Variants in DISC1 observed in about 807,000 individuals in gnomAD.
The protein encoded by DISC1 is disrupted in schizophrenia 1 protein.
In DISC1, 57 loss-of-function variants were observed where a neutral mutation model predicts 84.5. That is an observed-to-expected ratio of 0.67 (90% CI 0.55 to 0.84). DISC1 has a LOEUF of 0.84. DISC1 is among the 40% of genes least tolerant of loss of function. The pLI is 0.00. For synonymous variants in DISC1, 411 were observed against 415.2 expected, an observed-to-expected ratio of 0.99 and a Z score of 0.12; for missense variants, 1,000 against 1,057.8, an observed-to-expected ratio of 0.95 and a Z score of 0.76.
intron 9 of DISC1, among the ~76,000 whole-genome samples, chr1:231,930,730 C>T (rs1356708500): frequency 3.9e-5 from 6 of 152,078 alleles, no homozygotes; most frequent in Admixed American, 3.9e-4. Flanking sequence ...ACAAAGCACC[C>T]ATCAACATAG....
chr1:231,973,212 A>T (rs1662276876), intron 10 of DISC1, among the ~76,000 whole-genome samples: 2 of 151,914 alleles, frequency 1.3e-5, no homozygotes, highest in South Asian at 4.2e-4. Flanking sequence ...ACGCCTGGCT[A>T]ATCTTTGTAT....
chr1:231,774,953 A>G (rs558393079), intron 6 of DISC1: 1 of 353,878 alleles, frequency 2.8e-6, no homozygotes, highest in East Asian at 7.6e-5. Flanking sequence ...TATTTAGCCA[A>G]ATGAACCCAT....
chr1:231,780,237 T>TAAAAAAAAAAA (rs11451092), intron 6 of DISC1, among the ~76,000 whole-genome samples: 1 of 103,940 alleles, frequency 9.6e-6, no homozygotes, highest in African/African-American at 3.2e-5. Flanking sequence ...TAAAGTATAA[T>TAAAAAAAAAAA]AAAAAAAAAA....
chr1:231,860,565 G>A (rs560990493), intron 9 of DISC1, among the ~76,000 whole-genome samples: 33 of 152,246 alleles, frequency 2.2e-4, no homozygotes, highest in African/African-American at 7.7e-4. Context: ...AGCCTTCTCA[G>A]GGTTAAGCAG....
chr1:231,838,999 C>G (rs1001130679), intron 9 of DISC1, among the ~76,000 whole-genome samples: 1 of 144,270 alleles, frequency 6.9e-6, no homozygotes, highest in Non-Finnish European at 1.5e-5. Flanking sequence ...GCAAATAGGG[C>G]ACGATGTGTT....
At chr1:232,023,135 G>T (rs1334170832) in intron 11 of DISC1, among the ~76,000 whole-genome samples, 1 of 151,994 alleles carries the variant, frequency 6.6e-6, no homozygotes, top group Non-Finnish European at 1.5e-5. Flanking sequence ...TAAAGGTTCA[G>T]GAAAGTATAA....
intron 2 of DISC1, among the ~76,000 whole-genome samples, chr1:231,696,035 G>T (rs11586191): frequency 2.6e-5 from 4 of 151,912 alleles, no homozygotes; most frequent in African/African-American, 4.8e-5. Flanking sequence ...GTCTTTCCCC[G>T]AAACCCGTTC....
intron 10 of DISC1, among the ~76,000 whole-genome samples, chr1:232,008,048 C>T (rs2102994816): frequency 6.6e-6 from 1 of 152,270 alleles, no homozygotes; most frequent in East Asian, 1.9e-4. Context: ...TTGTCAGTTT[C>T]TTGAGGCCTC....
At chr1:232,028,072 T>C (rs1157563080) in intron 12 of DISC1, among the ~76,000 whole-genome samples, 1 of 152,192 alleles carries the variant, frequency 6.6e-6, no homozygotes, top group African/African-American at 2.4e-5. Flanking sequence ...AAATCTTGTA[T>C]TTAAGCTATT....
chr1:231,671,933 G>A (rs1030558524), intron 1 of DISC1, among the ~76,000 whole-genome samples: 1 of 152,192 alleles, frequency 6.6e-6, no homozygotes, highest in Non-Finnish European at 1.5e-5. Flanking sequence ...GTGATCATAA[G>A]ATGCATTGTC....
chr1:231,839,767 A>T (rs1304866545), intron 9 of DISC1, among the ~76,000 whole-genome samples: 1 of 152,222 alleles, frequency 6.6e-6, no homozygotes, highest in African/African-American at 2.4e-5. Flanking sequence ...GCAAGGCCTC[A>T]GGAAGCTTAC....
chr1:232,023,044 A>T (rs1479612613), intron 11 of DISC1, among the ~76,000 whole-genome samples: 1 of 94,902 alleles, frequency 1.1e-5, no homozygotes, highest in Middle Eastern at 5.0e-3. Flanking sequence ...ACTAAAAAAA[A>T]TTTCAGGTAA....
chr1:231,806,565 A>AGT (rs889968445), intron 8 of DISC1, among the ~76,000 whole-genome samples: 34 of 152,344 alleles, frequency 2.2e-4, no homozygotes, highest in African/African-American at 7.5e-4. Flanking sequence ...AGGAGAAGAC[A>AGT]GTCTTCCAAG....
rs1324300700 is a variant in DISC1, at chr1:232,031,875, A to G, written c.2426-4817A>G. 6.6e-6 allele frequency among the ~76,000 whole-genome samples: 1 copy of G among 152,212 alleles called. No homozygotes were observed. Among genetic ancestry groups the G allele is most frequent in the Non-Finnish European group, 1.5e-5 (1 of 68,034 alleles). On this transcript the variant is annotated intron_variant, in intron 12 of 12. Transcript: ENST00000439617. The surrounding 1 kb of genome is among the most constrained non-coding windows in gnomAD (Gnocchi z 4.6). ...TGGCTTTTCCATGAGGATCTCCAGT[A>G]CCAAATTCTCCAGCACTATGGGCTG...
chr1:231,711,898 T>A (rs1186139722), intron 3 of DISC1, among the ~76,000 whole-genome samples: 6 of 152,192 alleles, frequency 3.9e-5, no homozygotes, highest in Non-Finnish European at 8.8e-5. Context: ...CACATCCTAC[T>A]CCTTGGAACC....
At chr1:231,791,459 T>C (rs1351524694) in intron 6 of DISC1, among the ~76,000 whole-genome samples, 1 of 152,224 alleles carries the variant, frequency 6.6e-6, no homozygotes, top group Non-Finnish European at 1.5e-5. Flanking sequence ...GAGTTTCTAC[T>C]TCATAGAGTT....
chr1:231,757,342 G>C (rs1315651726), intron 4 of DISC1, among the ~76,000 whole-genome samples: 1 of 152,140 alleles, frequency 6.6e-6, no homozygotes, highest in African/African-American at 2.4e-5. Context: ...TGGTTCCCAG[G>C]TTAATAAAAT....
intron 10 of DISC1, among the ~76,000 whole-genome samples, chr1:231,981,939 G>A (rs962368872): frequency 1.3e-5 from 2 of 152,190 alleles, no homozygotes; most frequent in Non-Finnish European, 2.9e-5. Context: ...CAGTTGGTAT[G>A]TAGAGAAGTG....
chr1:231,785,109 C>T (rs12754402), intron 6 of DISC1, among the ~76,000 whole-genome samples: 67,739 of 151,754 alleles, frequency 0.45, 15,489 homozygotes, highest in Admixed American at 0.51. Context: ...AGTAGATAAA[C>T]ATGAATTTCC....
Sources: allele counts gnomAD v4.1 joint callset (sites outside exome capture counted in the v4.1 genomes callset), GRCh38; gene constraint gnomAD v4.1.1; non-coding constraint Gnocchi (gnomAD v3.1); transcripts MANE v1.5; gene names NCBI Gene and HGNC (gene_info 2026-07-23, HGNC 2026-07-21).